Variants in PLA2G4C observed in about 807,000 individuals in gnomAD.
PLA2G4C encodes the protein phospholipase A2 group IVC.
In PLA2G4C, 64 loss-of-function variants were observed where a neutral mutation model predicts 73.8. The ratio of observed to expected loss-of-function variants is 0.87; its 90% confidence interval spans 0.71 to 1.07. The LOEUF (loss-of-function observed/expected upper bound fraction) is 1.07. Ranked by LOEUF, PLA2G4C falls within the 50% of genes least tolerant of loss-of-function variation. PLA2G4C has a pLI of 0.00. For synonymous variants in PLA2G4C, 254 were observed against 252.1 expected (o/e 1.01, Z -0.07); for missense variants, 622 against 665.4 (o/e 0.93, Z 0.72).
At chr19:48,108,048 G>C (rs1372417129) in intron 1 of PLA2G4C, among the ~76,000 whole-genome samples, 1 of 151,920 alleles carries the variant, frequency 6.6e-6, no homozygotes, top group Non-Finnish European at 1.5e-5. Flanking sequence ...GGCCACTATC[G>C]GTCTCTGCGT....
At chr19:48,052,922 G>A in intron 16 of PLA2G4C, 75 bp downstream of exon 16, 1 of 1,498,656 alleles carries the variant, frequency 6.7e-7, no homozygotes. Flanking sequence ...CCTCCTGCCT[G>A]TTGCAGAGAA....
chr19:48,052,115 A>C (rs1303715293), intron 16 of PLA2G4C: 3 of 152,266 alleles, frequency 2.0e-5, no homozygotes, highest in African/African-American at 7.2e-5. Context: ...TCCTGGGCTC[A>C]AGCGATCCTC....
intron 3 of PLA2G4C, 22 bp downstream of exon 3, chr19:48,105,311 C>T: frequency 6.5e-7 from 1 of 1,543,030 alleles, no homozygotes; most frequent in Non-Finnish European, 8.9e-7. Flanking sequence ...ATCTCTGGGG[C>T]CACCCTCCTC....
intron 7 of PLA2G4C, among the ~76,000 whole-genome samples, chr19:48,091,988 G>T (rs1390261069): frequency 6.6e-6 from 1 of 151,182 alleles, no homozygotes; most frequent in African/African-American, 2.4e-5. Flanking sequence ...GGAGAAATTG[G>T]AAACCTGGGA....
chr19:48,068,169 G>C (rs1312443232), intron 12 of PLA2G4C, among the ~76,000 whole-genome samples: 1 of 152,144 alleles, frequency 6.6e-6, no homozygotes, highest in Non-Finnish European at 1.5e-5. Flanking sequence ...GGGCGTGGTG[G>C]TGGCGCATGC....
chr19:48,068,392 T>G (rs1295526438), intron 12 of PLA2G4C, among the ~76,000 whole-genome samples: 1 of 151,198 alleles, frequency 6.6e-6, no homozygotes, highest in African/African-American at 2.4e-5. Context: ...GACTGGGGTC[T>G]TTATGAGAAG....
At chr19:48,068,130 T>C (rs1425535256) in intron 12 of PLA2G4C, among the ~76,000 whole-genome samples, 2 of 152,030 alleles carry the variant, frequency 1.3e-5, no homozygotes, top group Admixed American at 6.6e-5. Flanking sequence ...GGTGAAACCC[T>C]GTCTCTACTA....
At chr19:48,108,048 G>A (rs1372417129) in intron 1 of PLA2G4C, among the ~76,000 whole-genome samples, 6 of 151,918 alleles carry the variant, frequency 3.9e-5, no homozygotes, top group Admixed American at 2.6e-4. Flanking sequence ...GGCCACTATC[G>A]GTCTCTGCGT....
chr19:48,109,800 C>T (rs1275946970), intron 1 of PLA2G4C, among the ~76,000 whole-genome samples: 1 of 152,054 alleles, frequency 6.6e-6, no homozygotes, highest in Non-Finnish European at 1.5e-5. Flanking sequence ...CAGGCGCCCG[C>T]CACCACGCCC....
At chr19:48,105,069 C>T (rs774764413) in intron 3 of PLA2G4C, among the ~76,000 whole-genome samples, 4 of 109,768 alleles carry the variant, frequency 3.6e-5, no homozygotes, top group African/African-American at 7.2e-5. Flanking sequence ...GGTGACAGAG[C>T]GAGACGTTGT....
intron 16 of PLA2G4C, among the ~76,000 whole-genome samples, chr19:48,049,369 A>T (rs1362694179): frequency 6.6e-6 from 1 of 152,116 alleles, no homozygotes; most frequent in Non-Finnish European, 1.5e-5. Context: ...ATGCCTTCCC[A>T]GACCCCCAGA....
At chr19:48,060,750 G>T (rs986370576) in intron 14 of PLA2G4C, among the ~76,000 whole-genome samples, 67 of 152,240 alleles carry the variant, frequency 4.4e-4, no homozygotes, top group African/African-American at 1.5e-3. Context: ...GAAAGCCTGG[G>T]TATTCCTGGG....
intron 1 of PLA2G4C, among the ~76,000 whole-genome samples, chr19:48,106,833 G>A (rs937862445): frequency 6.6e-6 from 1 of 152,070 alleles, no homozygotes; most frequent in African/African-American, 2.4e-5. Context: ...CTCTGCCTCT[G>A]TCTCTGTCTC....
intron 7 of PLA2G4C, among the ~76,000 whole-genome samples, chr19:48,091,045 C>T (rs1387174331): frequency 2.0e-5 from 3 of 151,790 alleles, no homozygotes; most frequent in African/African-American, 7.3e-5. Context: ...TTGGATGCAG[C>T]CGCCATCCCG....
At position 48,061,946 on chromosome 19, in the gene PLA2G4C, C is replaced by T. The variant is rs1229601687; in HGVS notation, c.1257+52G>A. ...CTCAGTTCCTCCGCAAAGTCAGCTT[C>T]GCCGCAGCCCACCTCCCACCCAGGA... On this transcript the variant is annotated intron_variant, in intron 14 of 16. Coordinates refer to ENST00000599921, the MANE Select transcript of PLA2G4C (RefSeq NM_003706.3). The T allele has an allele frequency of 3.4e-5, 54 of 1,585,236 alleles. 2 individuals carry two copies. Among genetic ancestry groups the T allele is most frequent in the Middle Eastern group, 3.4e-4 (2 of 5,832 alleles).
chr19:48,086,640 A>G (rs1487494594), intron 9 of PLA2G4C, among the ~76,000 whole-genome samples: 1 of 152,170 alleles, frequency 6.6e-6, no homozygotes, highest in Non-Finnish European at 1.5e-5. Context: ...GGGCAAGTGA[A>G]TATCCCACTG....
At position 48,072,982 on chromosome 19, in the gene PLA2G4C, T is replaced by C. The variant is rs2122542196; in HGVS notation, c.1006+1785A>G. ...CTTCATTGTCCCTCATCCACGCTACTTCACTCTCAGAATTTTTCACCGGAT... is the reference window on the plus strand; with the variant it reads ...CTTCATTGTCCCTCATCCACGCTACCTCACTCTCAGAATTTTTCACCGGAT... On this transcript the variant is annotated intron_variant, in intron 12 of 16. Coordinates refer to ENST00000599921, the MANE Select transcript of PLA2G4C (RefSeq NM_003706.3). The surrounding 1 kb of genome is among the most constrained non-coding windows in gnomAD (Gnocchi z 4.4). 6.6e-6 allele frequency: 1 copy of C among 152,276 alleles called. No individual in the cohort carries two copies. The highest frequency in any genetic ancestry group is 2.1e-4 in the South Asian group (1 of 4,810). The allele number at this position is 152,276 out of a possible 1,614,324, so 9.4% of individuals were successfully genotyped here.
At chr19:48,062,404 G>A (rs1968222931) in intron 13 of PLA2G4C, 1 of 339,068 alleles carries the variant, frequency 2.9e-6, no homozygotes. Context: ...GAGGTCAGGA[G>A]TTCAAGATCA....
At position 48,098,190 on chromosome 19, in the gene PLA2G4C, C is replaced by T; in HGVS notation, c.517G>A (p.Ala173Thr). The T allele has an allele frequency of 6.2e-7, 1 of 1,613,854 alleles. No homozygotes were observed. Among genetic ancestry groups the T allele is most frequent in the East Asian group, 2.2e-5 (1 of 44,848 alleles). ...GGTTGCAGGTCATTGTCAATGGCTG[C>T]AAATATTGGGTAGGGTAGTGTCCCT... ...EEGTLPYPIFAAIDNDLQPSW... is the reference protein window; with the variant it reads ...EEGTLPYPIFTAIDNDLQPSW... Residue 173 changes from alanine to threonine, a missense_variant, in exon 6 of 17, where the codon GCA becomes ACA. Ala to Thr is a moderately conservative substitution (Grantham distance 58). Coordinates refer to ENST00000599921, the MANE Select transcript of PLA2G4C (RefSeq NM_003706.3).
Sources: gnomAD v4.1 joint callset for allele counts (sites outside exome capture counted in the v4.1 genomes callset) on GRCh38, gnomAD v4.1.1 for gene constraint, Gnocchi (gnomAD v3.1) non-coding constraint, MANE v1.5 for transcripts, NCBI Gene and HGNC (gene_info 2026-07-23, HGNC 2026-07-21) for gene names.